MYO3B: variants seen among roughly 807,000 people sequenced by gnomAD.
MYO3B encodes the protein myosin-IIIb.
MYO3B carries 156 observed loss-of-function variants against 174.6 expected under a neutral mutation model. The ratio of observed to expected loss-of-function variants is 0.89; its 90% CI spans 0.78 to 1.02. The LOEUF (loss-of-function observed/expected upper bound fraction) is 1.02. Ranked by LOEUF, MYO3B falls within the 50% of genes least tolerant of loss-of-function variation. The pLI, the probability that MYO3B is intolerant of heterozygous loss-of-function variation, is 0.00. For synonymous variants in MYO3B, 563 were observed against 569.1 expected, an observed-to-expected ratio of 0.99 and a Z score of 0.15; for missense variants, 1,632 against 1,639.4, an observed-to-expected ratio of 1.00 and a Z score of 0.08.
At chr2:170,609,160 A>G (rs1694990792) in intron 32 of MYO3B, among the ~76,000 whole-genome samples, 1 of 152,188 alleles carries the variant, frequency 6.6e-6, no homozygotes, top group African/African-American at 2.4e-5. Flanking sequence ...TTCCTTGCCC[A>G]TGTTCCTTCA....
chr2:170,637,984 T>C (rs1697651958), intron 32 of MYO3B, among the ~76,000 whole-genome samples: 1 of 152,206 alleles, frequency 6.6e-6, no homozygotes, highest in Non-Finnish European at 1.5e-5. Context: ...ACTTCATTGA[T>C]TTCATTTTTA....
chr2:170,647,081 C>T (rs1423281516), intron 32 of MYO3B: 2 of 324,918 alleles, frequency 6.2e-6, no homozygotes, highest in African/African-American at 2.2e-5. Flanking sequence ...AGCTGAGATA[C>T]TCCATTTCTT....
intron 32 of MYO3B, among the ~76,000 whole-genome samples, chr2:170,564,332 G>T (rs1251678805): frequency 6.6e-6 from 1 of 152,154 alleles, no homozygotes; most frequent in African/African-American, 2.4e-5. Flanking sequence ...AATTAGCCAG[G>T]TGTGATGGTA....
chr2:170,610,845 C>T (rs1466577953), intron 32 of MYO3B, among the ~76,000 whole-genome samples: 1 of 152,140 alleles, frequency 6.6e-6, no homozygotes, highest in Admixed American at 6.5e-5. Flanking sequence ...ATGTGAGATG[C>T]TTGTTCTAAT....
chr2:170,546,664 C>A (rs755841561), intron 32 of MYO3B, among the ~76,000 whole-genome samples: 1 of 152,090 alleles, frequency 6.6e-6, no homozygotes. Flanking sequence ...TTAGTTTTTC[C>A]GTTTCGCATA....
At chr2:170,355,695 A>T (rs1356347733) in intron 8 of MYO3B, among the ~76,000 whole-genome samples, 1 of 152,140 alleles carries the variant, frequency 6.6e-6, no homozygotes, top group Non-Finnish European at 1.5e-5. Context: ...CATTTTCAGC[A>T]ATCTTCTTTT....
At chr2:170,638,080 A>G (rs1267352367) in intron 32 of MYO3B, among the ~76,000 whole-genome samples, 2 of 125,400 alleles carry the variant, frequency 1.6e-5, no homozygotes, top group African/African-American at 3.0e-5. Flanking sequence ...TTTCCACTCA[A>G]TCTCTCTCTC....
At chr2:170,250,552 G>A (rs967566652) in intron 7 of MYO3B, among the ~76,000 whole-genome samples, 21 of 152,314 alleles carry the variant, frequency 1.4e-4, no homozygotes, top group African/African-American at 2.2e-4. Flanking sequence ...CCAAGTGGGC[G>A]TGTGTTACAG....
At chr2:170,384,026 A>T (rs979760428) in intron 12 of MYO3B, 5 of 507,818 alleles carry the variant, frequency 9.8e-6, no homozygotes, top group African/African-American at 7.6e-5. Context: ...GAAACATAAA[A>T]CAGTCACATG....
intron 32 of MYO3B, among the ~76,000 whole-genome samples, chr2:170,608,273 C>A (rs1245774375): frequency 6.6e-6 from 1 of 152,188 alleles, no homozygotes; most frequent in African/African-American, 2.4e-5. Flanking sequence ...AATTTTATTA[C>A]TTACTTGCTA....
At chr2:170,533,425 TGG>T (rs10706524) in intron 30 of MYO3B, among the ~76,000 whole-genome samples, 85 of 115,754 alleles carry the variant, frequency 7.3e-4, no homozygotes, top group African/African-American at 1.7e-3. Flanking sequence ...TTTGTGGGGG[TGG>T]GGGGGGGGTG....
intron 28 of MYO3B, among the ~76,000 whole-genome samples, chr2:170,511,160 T>G (rs989944480): frequency 5.3e-5 from 8 of 151,256 alleles, no homozygotes; most frequent in African/African-American, 1.7e-4. Flanking sequence ...CCCAGGTTCA[T>G]GCCATTCTCC....
chr2:170,539,629 T>A (rs1005063567), intron 30 of MYO3B, among the ~76,000 whole-genome samples: 4 of 144,142 alleles, frequency 2.8e-5, no homozygotes, highest in African/African-American at 1.1e-4. Flanking sequence ...ATTTATTTTT[T>A]TTTTTTTGAG....
intron 7 of MYO3B, among the ~76,000 whole-genome samples, chr2:170,258,615 A>G (rs2093322662): frequency 6.6e-6 from 1 of 152,204 alleles, no homozygotes; most frequent in South Asian, 2.1e-4. Flanking sequence ...CTGAATGGGA[A>G]AAAGCTGGAA....
intron 22 of MYO3B, among the ~76,000 whole-genome samples, chr2:170,435,221 T>C (rs1022850055): frequency 2.0e-5 from 3 of 152,144 alleles, no homozygotes; most frequent in Admixed American, 2.0e-4. Context: ...TCAGAGTTTG[T>C]TGAGAAATCG....
At chr2:170,603,618 TG>T (rs1694647734) in intron 32 of MYO3B, among the ~76,000 whole-genome samples, 1 of 152,190 alleles carries the variant, frequency 6.6e-6, no homozygotes, top group Non-Finnish European at 1.5e-5. Context: ...CAACAGTCTT[TG>T]GGATTTAGGA....
intron 8 of MYO3B, among the ~76,000 whole-genome samples, chr2:170,336,727 G>A (rs149949453): frequency 1.7e-3 from 257 of 152,282 alleles, no homozygotes; most frequent in South Asian, 3.5e-3. Flanking sequence ...AAATGTACCA[G>A]TTTACCTTTG....
intron 32 of MYO3B, among the ~76,000 whole-genome samples, chr2:170,563,062 A>ACACT (rs1173953248): frequency 2.8e-5 from 4 of 144,876 alleles, no homozygotes; most frequent in African/African-American, 1.0e-4. Context: ...ACACACACAC[A>ACACT]CTCTAGACAC....
At chr2:170,482,635 A>G (rs533159946) in intron 25 of MYO3B, among the ~76,000 whole-genome samples, 16 of 152,338 alleles carry the variant, frequency 1.1e-4, no homozygotes, top group Admixed American at 2.0e-4. Flanking sequence ...AAACTAATAC[A>G]CTTGGTTAGT....
Sources: gnomAD v4.1 joint callset for allele counts (sites outside exome capture counted in the v4.1 genomes callset) on GRCh38, gnomAD v4.1.1 for gene constraint, MANE v1.5 for transcripts, NCBI Gene and HGNC (gene_info 2026-07-23, HGNC 2026-07-21) for gene names.